Variants in SLC25A48 observed in about 807,000 individuals in gnomAD.
SLC25A48 encodes the protein solute carrier family 25 member 48, also known as CTC-321K16.1.
A neutral mutation model predicts 32.2 loss-of-function variants in SLC25A48; 29 were observed. That is an observed-to-expected ratio of 0.90 (90% CI 0.67 to 1.23). SLC25A48 has a LOEUF of 1.23. Among genes scored for constraint, SLC25A48 ranks in the 50% most tolerant of loss-of-function variants. The pLI is 0.00. For synonymous variants in SLC25A48, 164 were observed against 172.3 expected (o/e 0.95, Z 0.38); for missense variants, 399 against 422.7 (o/e 0.94, Z 0.49).
chr5:135,741,445 T>C (rs1020099154), intron 3 of SLC25A48, among the ~76,000 whole-genome samples: 5 of 152,138 alleles, frequency 3.3e-5, no homozygotes, highest in African/African-American at 1.2e-4. Flanking sequence ...AATTTAAAAA[T>C]TGCAATTTTA....
chr5:135,686,515 T>C (rs1038492831), intron 3 of SLC25A48, among the ~76,000 whole-genome samples: 2 of 152,234 alleles, frequency 1.3e-5, no homozygotes, highest in African/African-American at 4.8e-5. Context: ...GCTCCCCGTA[T>C]GGTGGAGCCT....
chr5:135,675,529 C>T (rs563914267), intron 3 of SLC25A48, among the ~76,000 whole-genome samples: 29 of 151,972 alleles, frequency 1.9e-4, no homozygotes, highest in African/African-American at 6.7e-4. Flanking sequence ...TGGACTTATT[C>T]CTGGATTCTC....
At chr5:135,699,147 G>A (rs550210262) in intron 3 of SLC25A48, among the ~76,000 whole-genome samples, 10 of 152,224 alleles carry the variant, frequency 6.6e-5, no homozygotes, top group African/African-American at 2.4e-4. Context: ...TCTATAATAT[G>A]ACCCAGTGAT....
At chr5:135,647,536 TGAGCAGTCCTCATTAGGGTA>T (rs1472051112) in intron 3 of SLC25A48, among the ~76,000 whole-genome samples, 2 of 152,166 alleles carry the variant, frequency 1.3e-5, no homozygotes, top group East Asian at 1.9e-4. Flanking sequence ...AGGGTCCTAA[TGAGCAGTCCTCATTAGGGTA>T]GAGCAGTCCT....
chr5:135,842,568 C>CAGA, intron 2 of SLC25A48, 109 bp downstream of exon 2: 5 of 1,187,174 alleles, frequency 4.2e-6, no homozygotes, highest in Non-Finnish European at 6.2e-6. Flanking sequence ...CTGCCCAGGG[C>CAGA]AGACTCTCTG....
At chr5:135,804,391 A>C (rs980800646) in intron 3 of SLC25A48, among the ~76,000 whole-genome samples, 1 of 151,650 alleles carries the variant, frequency 6.6e-6, no homozygotes, top group African/African-American at 2.4e-5. Flanking sequence ...TCCACCCATA[A>C]TGTACACCCC....
chr5:135,779,691 G>T (rs1480831191), intron 3 of SLC25A48, among the ~76,000 whole-genome samples: 1 of 117,704 alleles, frequency 8.5e-6, no homozygotes, highest in African/African-American at 2.6e-5. Flanking sequence ...CGGTAATATT[G>T]TTTTTAATAT....
chr5:135,579,785 C>G (rs948071149), intron 1 of SLC25A48, among the ~76,000 whole-genome samples: 2 of 152,050 alleles, frequency 1.3e-5, no homozygotes, highest in Non-Finnish European at 2.9e-5. Context: ...TAGTGGAGAG[C>G]GATGACAGTG....
intron 3 of SLC25A48, among the ~76,000 whole-genome samples, chr5:135,689,247 C>T (rs961961235): frequency 1.3e-5 from 2 of 152,180 alleles, no homozygotes; most frequent in African/African-American, 4.8e-5. Context: ...AGGGAGGCCT[C>T]ATCCAAGTCT....
intron 1 of SLC25A48, among the ~76,000 whole-genome samples, chr5:135,839,099 C>T (rs1758780629): frequency 6.6e-6 from 1 of 152,126 alleles, no homozygotes; most frequent in Non-Finnish European, 1.5e-5. Flanking sequence ...AAAAAGAAAC[C>T]CCATTTCCTT....
chr5:135,712,922 G>T (rs75421044), intron 3 of SLC25A48, among the ~76,000 whole-genome samples: 1,953 of 152,260 alleles, frequency 0.013, 45 homozygotes, highest in African/African-American at 0.044. Flanking sequence ...ACCATTCAGG[G>T]AGGCTCTGTA....
chr5:135,883,012 T>C (rs139559131), intron 7 of SLC25A48: 1 of 984,626 alleles, frequency 1.0e-6, no homozygotes, highest in African/African-American at 1.7e-5. Context: ...AGATCCAAGA[T>C]TTCAAGACTC....
chr5:135,632,840 G>T (rs1752608162), intron 2 of SLC25A48, among the ~76,000 whole-genome samples: 1 of 152,148 alleles, frequency 6.6e-6, no homozygotes, highest in Non-Finnish European at 1.5e-5. Flanking sequence ...GGAGGGCGAG[G>T]AGAGGCCAGT....
intron 3 of SLC25A48, among the ~76,000 whole-genome samples, chr5:135,709,263 C>G (rs892792344): frequency 2.6e-5 from 4 of 152,234 alleles, no homozygotes; most frequent in Non-Finnish European, 5.9e-5. Flanking sequence ...TGGGAAGGAA[C>G]TGGAATTGGC....
Position 135,874,001 on chromosome 5 carries a change from C to T in SLC25A48, c.680-20C>T. ...ATCCTAAGGAGCTAGCCCCTGACAC[C>T]TGTTTCTTTCTCTTTGCAGGAGCAA... On this transcript the variant is annotated intron_variant, in intron 5 of 7. Coordinates refer to ENST00000681962, the MANE Select transcript of SLC25A48 (RefSeq NM_001349336.2). 6.6e-7 allele frequency: 1 copy of T among 1,526,702 alleles called. No individual in the cohort carries two copies. Among genetic ancestry groups the T allele is most frequent in the Non-Finnish European group, 8.7e-7 (1 of 1,143,608 alleles). The allele number at this position is 1,526,702 out of a possible 1,614,324, so 94.6% of individuals were successfully genotyped here.
At chr5:135,659,586 G>A (rs1042665213) in intron 3 of SLC25A48, among the ~76,000 whole-genome samples, 4 of 152,176 alleles carry the variant, frequency 2.6e-5, no homozygotes, top group Non-Finnish European at 5.9e-5. Context: ...TTATAGCAAT[G>A]CCCCCTTTCT....
chr5:135,740,268 A>G (rs1755470341), intron 3 of SLC25A48, among the ~76,000 whole-genome samples: 1 of 152,036 alleles, frequency 6.6e-6, no homozygotes, highest in Admixed American at 6.6e-5. Flanking sequence ...ATCTCGGCTC[A>G]CTGCAACCTC....
upstream of SLC25A48, chr5:135,834,499 TG>T (rs1758332122): frequency 3.0e-6 from 1 of 331,340 alleles, no homozygotes; most frequent in Admixed American, 4.6e-5. Context: ...GCTCTGAAGT[TG>T]GCAAGGAAGA....
At chr5:135,643,929 A>C (rs938444502) in intron 3 of SLC25A48, among the ~76,000 whole-genome samples, 5 of 152,220 alleles carry the variant, frequency 3.3e-5, no homozygotes, top group African/African-American at 1.2e-4. Context: ...TAACTTGACC[A>C]AGGCTGCTGC....
Sources: gnomAD v4.1 joint callset for allele counts (sites outside exome capture counted in the v4.1 genomes callset) on GRCh38, gnomAD v4.1.1 for gene constraint, MANE v1.5 for transcripts, NCBI Gene and HGNC (gene_info 2026-07-23, HGNC 2026-07-21) for gene names.